ESPNL: variants seen among roughly 807,000 people sequenced by gnomAD.
The protein encoded by ESPNL is espin like.
A neutral mutation model predicts 46.8 loss-of-function variants in ESPNL; 49 were observed. The ratio of observed to expected loss-of-function variants is 1.05; its 90% CI spans 0.83 to 1.33. The LOEUF (loss-of-function observed/expected upper bound fraction) is 1.33. Among genes scored for constraint, ESPNL ranks in the 40% most tolerant of loss-of-function variants. The pLI is 0.00. For missense variants in ESPNL, 1,540 were observed against 1,436.6 expected (o/e 1.07, Z -1.16); for synonymous variants, 664 against 662.1 (o/e 1.00, Z -0.04).
At chr2:238,123,587 C>A (rs1250944403) in intron 5 of ESPNL, among the ~76,000 whole-genome samples, 1 of 152,184 alleles carries the variant, frequency 6.6e-6, no homozygotes, top group East Asian at 1.9e-4. Context: ...ACAGATCCCA[C>A]ACCCGGCCCA....
chr2:238,101,377 G>C (rs1201951648), intron 1 of ESPNL, among the ~76,000 whole-genome samples: 1 of 152,202 alleles, frequency 6.6e-6, no homozygotes, highest in Non-Finnish European at 1.5e-5. Flanking sequence ...GAGCACCTGA[G>C]AGTCCCGGCC....
At chr2:238,102,251 G>T in intron 2 of ESPNL, 120 bp downstream of exon 2, 4 of 883,412 alleles carry the variant, frequency 4.5e-6, no homozygotes, top group Non-Finnish European at 6.7e-6. Flanking sequence ...CTGCAGGCGG[G>T]CATGCTGTCA....
Position 238,126,204 on chromosome 2 carries a change from GTCTC to G in ESPNL, c.1102+824_1102+827del, listed in dbSNP as rs753856275. 7.4e-4 allele frequency among the ~76,000 whole-genome samples: 80 copies of G among 108,512 alleles called. 1 individual carries two copies. The East Asian group carries it at 0.02, about 27-fold the overall frequency. The allele number at this position is 108,512 out of a possible 152,430, so 71.2% of individuals were successfully genotyped here. On this transcript the variant is annotated intron_variant, in intron 6 of 8. Coordinates refer to ENST00000343063, the MANE Select transcript of ESPNL (RefSeq NM_194312.4). ...AGTGTGTGATCGTGTCTGTGATTGT[GTCTC>G]TCTGTGATTGTGTCTGTGTCTGTAT...
At chr2:238,106,726 G>C (rs969228859) in intron 3 of ESPNL, among the ~76,000 whole-genome samples, 4 of 85,424 alleles carry the variant, frequency 4.7e-5, no homozygotes, top group Non-Finnish European at 5.7e-5. Context: ...AGGGGGTCCT[G>C]AGGGAGGGAA....
chr2:238,124,729 G>A (rs1333529371), intron 5 of ESPNL, among the ~76,000 whole-genome samples: 2 of 150,954 alleles, frequency 1.3e-5, no homozygotes, highest in Non-Finnish European at 3.0e-5. Context: ...GTGCATGTGT[G>A]CAGGAGAGTA....
Position 238,104,839 on chromosome 2 carries a change from G to C in ESPNL, c.669G>C (p.Trp223Cys). 1 of 1,500,870 alleles carries C rather than the reference G, an allele frequency of 6.7e-7. No homozygotes were observed. Among genetic ancestry groups the C allele is most frequent in the South Asian group, 1.3e-5 (1 of 79,704 alleles). 93.0% of individuals were successfully genotyped at this position (1,500,870 alleles called of 1,614,324 possible). A position where few individuals can be genotyped will look rare whatever the true frequency, so the allele number is the denominator to read the frequency against. The change falls in exon 3 of 9, where the codon TGG becomes TGC. Residue 223 changes from tryptophan to cysteine, a missense_variant. By Grantham distance (215) the Trp-to-Cys change is radical. Transcript: ENST00000343063. ...GTGGCCACTACTCCCTCGTCGTCTGGCTGGTAAGTGGGTGCCAGAGGTGGG... is the reference window on the plus strand; with the variant it reads ...GTGGCCACTACTCCCTCGTCGTCTGCCTGGTAAGTGGGTGCCAGAGGTGGG... ...AARGHYSLVV[W>C]LVTFTDIGLT...
At chr2:238,122,308 C>T (rs1051398961) in intron 5 of ESPNL, among the ~76,000 whole-genome samples, 1 of 152,234 alleles carries the variant, frequency 6.6e-6, no homozygotes, top group Non-Finnish European at 1.5e-5. Flanking sequence ...ACTTCTCATC[C>T]CTGTTAAACT....
intron 2 of ESPNL, among the ~76,000 whole-genome samples, chr2:238,103,466 T>G (rs1691529825): frequency 6.6e-6 from 1 of 151,800 alleles, no homozygotes; most frequent in African/African-American, 2.4e-5. Flanking sequence ...CATGTTAATA[T>G]GCACACACAC....
intron 2 of ESPNL, 59 bp downstream of exon 2, chr2:238,102,190 G>C: frequency 7.0e-7 from 1 of 1,420,306 alleles, no homozygotes; most frequent in South Asian, 1.4e-5. Flanking sequence ...CCAAGGGGAG[G>C]CTGCACCATG....
At chr2:238,121,705 T>G (rs533029339) in intron 5 of ESPNL, among the ~76,000 whole-genome samples, 1 of 152,232 alleles carries the variant, frequency 6.6e-6, no homozygotes, top group Non-Finnish European at 1.5e-5. Context: ...GCCCAGAGCC[T>G]TGTTTTTTGG....
chr2:238,132,583 C>A lies in ESPNL; in HGVS notation c.*851C>A, dbSNP rs1191959721. 1 of 152,416 alleles carries A rather than the reference C, an allele frequency of 6.6e-6. No individual in the cohort carries two copies. Among genetic ancestry groups the A allele is most frequent in the African/African-American group, 2.4e-5 (1 of 41,482 alleles). 9.4% of individuals were successfully genotyped at this position (152,416 alleles called of 1,614,324 possible). A position where few individuals can be genotyped will look rare whatever the true frequency, so the allele number is the denominator to read the frequency against. On this transcript the variant is annotated 3_prime_UTR_variant, in exon 9 of 9. Transcript: ENST00000343063. ...GGGGCGTGGATACTCCGTGAGGGCA[C>A]CTGGGTGTCACCCACAGTGCACCTC... is the stretch of plus-strand genomic sequence containing the variant.
chr2:238,126,931 G>GTGATTGTGTCTGTGTGTGTC (rs1692143614), intron 6 of ESPNL, among the ~76,000 whole-genome samples: 1 of 62,688 alleles, frequency 1.6e-5, no homozygotes, highest in Non-Finnish European at 3.1e-5. Flanking sequence ...CTGTGTGTCT[G>GTGATTGTGTCTGTGTGTGTC]TGATTGTGTG....
intron 4 of ESPNL, among the ~76,000 whole-genome samples, chr2:238,116,674 A>T (rs11901818): frequency 0.19 from 28,940 of 152,228 alleles, 3,019 homozygotes; most frequent in African/African-American, 0.27. Context: ...CTGCTTCATA[A>T]GCAGTGCCTG....
intron 2 of ESPNL, among the ~76,000 whole-genome samples, chr2:238,104,074 T>C (rs1337044740): frequency 6.6e-6 from 1 of 151,940 alleles, no homozygotes; most frequent in Non-Finnish European, 1.5e-5. Context: ...GGGGTGCTCG[T>C]GAGATCCCTT....
chr2:238,116,326 G>A (rs1463165099), intron 4 of ESPNL, among the ~76,000 whole-genome samples: 1 of 152,142 alleles, frequency 6.6e-6, no homozygotes, highest in Non-Finnish European at 1.5e-5. Context: ...AAGGAGACAG[G>A]AGGGTCCTGG....
intron 4 of ESPNL, among the ~76,000 whole-genome samples, chr2:238,115,725 T>TG (rs1559262326): frequency 6.6e-6 from 1 of 152,174 alleles, no homozygotes; most frequent in Admixed American, 6.5e-5. Context: ...CAGGCTGGAG[T>TG]GCAGTGGTGC....
chr2:238,125,163 A>T (rs1692075544), intron 5 of ESPNL, 107 bp from the exon 6 acceptor site: 1 of 540,548 alleles, frequency 1.8e-6, no homozygotes, highest in Non-Finnish European at 3.3e-6. Flanking sequence ...CCCTTCTCAG[A>T]TGCACAGGCT....
rs115002512 is a variant in ESPNL, at chr2:238,127,070, A to T, written c.1103-552A>T. Among the ~76,000 whole-genome samples the T allele has an allele frequency of 1.0e-3, 141 of 138,414 alleles. 1 individual carries two copies. In the South Asian group the frequency reaches 0.011, roughly 11 times the overall value. The allele number at this position is 138,414 out of a possible 152,430, so 90.8% of individuals were successfully genotyped here. A position where few individuals can be genotyped will look rare whatever the true frequency, so the allele number is the denominator to read the frequency against. On this transcript the variant is annotated intron_variant, in intron 6 of 8. Transcript: ENST00000343063. ...TTTCTGTGATTGTATCTGTGTGTATAATTGTGTCTGTGTGTATGATTGTGT... is the reference window on the plus strand; with the variant it reads ...TTTCTGTGATTGTATCTGTGTGTATTATTGTGTCTGTGTGTATGATTGTGT...
chr2:238,111,106 T>C (rs1323867927), intron 4 of ESPNL, among the ~76,000 whole-genome samples: 1 of 152,008 alleles, frequency 6.6e-6, no homozygotes, highest in Non-Finnish European at 1.5e-5. Context: ...TTTGTATTTT[T>C]AGTAGAGACG....
Sources: allele counts gnomAD v4.1 joint callset (sites outside exome capture counted in the v4.1 genomes callset), GRCh38; gene constraint gnomAD v4.1.1; transcripts MANE v1.5; gene names NCBI Gene and HGNC (gene_info 2026-07-23, HGNC 2026-07-21).